SLC1A6: variants seen among roughly 807,000 people sequenced by gnomAD.
SLC1A6 encodes excitatory amino acid transporter 4.
In SLC1A6, 15 loss-of-function variants were observed where a neutral mutation model predicts 42.1. The ratio of observed to expected loss-of-function variants is 0.36; its 90% CI spans 0.24 to 0.55. SLC1A6 has a LOEUF of 0.55. Ranked by LOEUF, SLC1A6 falls within the 20% of genes least tolerant of loss-of-function variation. The probability of loss-of-function intolerance (pLI) is 0.88; values close to 1 mark genes in which losing one functional copy is unlikely to be tolerated. For synonymous variants in SLC1A6, 317 were observed against 319.7 expected, an observed-to-expected ratio of 0.99 and a Z score of 0.09; for missense variants, 542 against 772.5, an observed-to-expected ratio of 0.70 and a Z score of 3.54.
chr19:15,003,799 T>C (rs2045883651), intron 1 of SLC1A6, among the ~76,000 whole-genome samples: 1 of 152,080 alleles, frequency 6.6e-6, no homozygotes, highest in African/African-American at 2.4e-5. Context: ...AATCAGTATA[T>C]AGAACAGGTG....
intron 4 of SLC1A6, among the ~76,000 whole-genome samples, chr19:14,964,662 G>C (rs921546157): frequency 3.3e-5 from 5 of 152,180 alleles, no homozygotes; most frequent in Non-Finnish European, 2.9e-5. Context: ...ATCCAGGTCT[G>C]TCTGAGCATG....
chr19:14,960,572 T>G (rs1368983135), intron 6 of SLC1A6, among the ~76,000 whole-genome samples: 1 of 152,228 alleles, frequency 6.6e-6, no homozygotes, highest in Non-Finnish European at 1.5e-5. Flanking sequence ...AATGAATGAA[T>G]AGTAACTAAC....
chr19:14,966,845 G>A (rs763062628), intron 4 of SLC1A6, among the ~76,000 whole-genome samples: 9 of 152,052 alleles, frequency 5.9e-5, no homozygotes, highest in Non-Finnish European at 1.3e-4. Flanking sequence ...ATGGACACAG[G>A]GAAGGGAACA....
intron 9 of SLC1A6, 144 bp from the exon 10 acceptor site, chr19:14,950,534 G>C: frequency 2.0e-6 from 1 of 501,912 alleles, no homozygotes; most frequent in Non-Finnish European, 3.5e-6. Flanking sequence ...CCCCAAGCAG[G>C]TTCTTCCCCC....
rs145982850 is a variant in SLC1A6, at chr19:15,006,209, C to T, written c.6+4276G>A. Among the ~76,000 whole-genome samples, 22 of 152,310 alleles carry T rather than the reference C, an allele frequency of 1.4e-4. No individual in the cohort carries two copies. The East Asian group carries it at 4.1e-3, about 28-fold the overall frequency. ...TAACTCATTGTCTCCATGCCACAATCCTATTACCTGAGTTGACAGATGGGG... is the reference window on the plus strand; with the variant it reads ...TAACTCATTGTCTCCATGCCACAATTCTATTACCTGAGTTGACAGATGGGG... On this transcript the variant is annotated intron_variant, in intron 1 of 8. Transcript: ENST00000430939.
intron 1 of SLC1A6, among the ~76,000 whole-genome samples, chr19:14,976,316 A>G (rs1440104628): frequency 2.0e-5 from 3 of 152,262 alleles, no homozygotes; most frequent in African/African-American, 4.8e-5. Context: ...TGTGATATAG[A>G]TAAGTTTATC....
chr19:14,982,254 G>A (rs1259741776), upstream of SLC1A6, among the ~76,000 whole-genome samples: 1 of 152,178 alleles, frequency 6.6e-6, no homozygotes, highest in Non-Finnish European at 1.5e-5. Context: ...TATTGGCCGG[G>A]CATGGTGGCA....
rs2145202455 is a variant in SLC1A6 at position 14,971,812 on chromosome 19, A to C, written c.268T>G (p.Ser90Ala). 6.2e-7 allele frequency: 1 copy of C among 1,614,142 alleles called. No homozygotes were observed. Among genetic ancestry groups the C allele is most frequent in the Non-Finnish European group, 8.5e-7 (1 of 1,180,006 alleles). Reference sequence around the variant, plus strand: ...CTCATCAGAAGCTCTCCAGGAAAAGAGAAGTACTTGATCTGGCGGTAGGTG... The same window carrying C: ...CTCATCAGAAGCTCTCCAGGAAAAGCGAAGTACTTGATCTGGCGGTAGGTG... ...QLTYRQIKYF[S>A]FPGELLMRML... Residue 90 changes from serine to alanine, a missense_variant, in exon 3 of 10, where the codon TCT becomes GCT. Physicochemically the swap from Ser to Ala is moderately conservative, Grantham distance 99. Transcript: ENST00000594383.
At chr19:15,008,041 C>A (rs1296039268) in intron 1 of SLC1A6, among the ~76,000 whole-genome samples, 4 of 143,016 alleles carry the variant, frequency 2.8e-5, no homozygotes, top group Non-Finnish European at 3.0e-5. Flanking sequence ...CAAAAAAAAA[C>A]CAACCACACA....
chr19:14,972,999 T>C, intron 1 of SLC1A6, 82 bp from the exon 2 acceptor site: 1 of 1,086,926 alleles, frequency 9.2e-7, no homozygotes, highest in Non-Finnish European at 1.3e-6. Flanking sequence ...CTGCGAAGGG[T>C]AATGAGCGCT....
chr19:15,010,015 TA>T (rs58210057), intron 1 of SLC1A6, among the ~76,000 whole-genome samples: 119,261 of 146,606 alleles, frequency 0.81, 48,367 homozygotes, highest in East Asian at 0.92. Flanking sequence ...CCGTCTCTAC[TA>T]AAAAAAAAAA....
At chr19:14,980,544 C>T (rs1217698370), upstream of SLC1A6, among the ~76,000 whole-genome samples, 1 of 151,622 alleles carries the variant, frequency 6.6e-6, no homozygotes, top group Non-Finnish European at 1.5e-5. Flanking sequence ...GTAATCCCAG[C>T]ACTTTGGGAG....
chr19:15,002,267 G>A lies in SLC1A6; in HGVS notation c.6+8218C>T, dbSNP rs935602784. On this transcript the variant is annotated intron_variant, in intron 1 of 8. Coordinates refer to the SLC1A6 transcript ENST00000430939. ...ACCACATCCAGCTGTTTTTTGTTTTGTTTGGTTTGGTTTGGGTTGGGTTTT... is the reference window on the plus strand; with the variant it reads ...ACCACATCCAGCTGTTTTTTGTTTTATTTGGTTTGGTTTGGGTTGGGTTTT... 2.0e-5 allele frequency among the ~76,000 whole-genome samples: 3 copies of A among 151,724 alleles called. No homozygotes were observed. In the East Asian group the frequency reaches 5.8e-4, roughly 29 times the overall value.
intron 1 of SLC1A6, among the ~76,000 whole-genome samples, chr19:14,999,079 C>T (rs1484716884): frequency 2.6e-5 from 4 of 152,026 alleles, no homozygotes; most frequent in South Asian, 2.1e-4. Context: ...GGGGTTTCAT[C>T]GTGTTAGCCA....
chr19:14,984,122 A>C (rs112379938), upstream of SLC1A6, among the ~76,000 whole-genome samples: 1,213 of 152,042 alleles, frequency 8.0e-3, 24 homozygotes, highest in African/African-American at 0.027. Context: ...CCAGCCTGAC[A>C]AATATGGAGA....
At chr19:14,990,786 C>CAAAAAAAAAAA (rs60926365) in intron 1 of SLC1A6, among the ~76,000 whole-genome samples, 7 of 124,734 alleles carry the variant, frequency 5.6e-5, no homozygotes, top group Non-Finnish European at 6.7e-5. Flanking sequence ...CAAAACAAAA[C>CAAAAAAAAAAA]AAAAAAAAAA....
In SLC1A6 at chr19:14,979,248, T is replaced by C. The variant is rs2045746817; in HGVS notation, c.-8+61A>G. ...CGTGCCTGTGTGCGGAGGCCACGGG[T>C]TGGGGAGGTGGGGAGACGGGCAGGG... On this transcript the variant is annotated intron_variant, in intron 1 of 9. Transcript: ENST00000594383. The surrounding 1 kb of genome is among the most constrained non-coding windows in gnomAD (Gnocchi z 4.2). 2 of 151,008 alleles carry C rather than the reference T, an allele frequency of 1.3e-5. No homozygotes were observed. Among genetic ancestry groups the C allele is most frequent in the African/African-American group, 4.9e-5 (2 of 40,878 alleles). The allele number at this position is 151,008 out of a possible 1,614,324, so 9.4% of individuals were successfully genotyped here. A position where few individuals can be genotyped will look rare whatever the true frequency, so the allele number is the denominator to read the frequency against.
chr19:14,974,655 G>T (rs1261687962), intron 1 of SLC1A6: 2 of 151,726 alleles, frequency 1.3e-5, no homozygotes, highest in African/African-American at 4.8e-5. Context: ...AGAAAAATAT[G>T]TTATTTCAGA....
At chr19:14,952,644 A>T (rs1418127387) in intron 9 of SLC1A6, among the ~76,000 whole-genome samples, 1 of 152,014 alleles carries the variant, frequency 6.6e-6, no homozygotes, top group Non-Finnish European at 1.5e-5. Flanking sequence ...CCCGGCCTGG[A>T]TCACCTTTTG....
Sources: gnomAD v4.1 joint callset for allele counts (sites outside exome capture counted in the v4.1 genomes callset) on GRCh38, gnomAD v4.1.1 for gene constraint, Gnocchi (gnomAD v3.1) non-coding constraint, MANE v1.5 for transcripts, NCBI Gene and HGNC (gene_info 2026-07-23, HGNC 2026-07-21) for gene names.